Variants in AKAP13 observed in about 807,000 individuals in gnomAD.
AKAP13 encodes the protein A-kinase anchor protein 13.
Under a neutral mutation model 264.5 loss-of-function variants are expected in AKAP13, and 80 were observed. The observed-to-expected ratio is 0.30, with a 90% CI of 0.25 to 0.36. The LOEUF (loss-of-function observed/expected upper bound fraction) is 0.36. Ranked by LOEUF, AKAP13 falls within the 10% of genes least tolerant of loss-of-function variation. The pLI, the probability that AKAP13 is intolerant of heterozygous loss-of-function variation, is 1.00. For synonymous variants in AKAP13, 1,380 were observed against 1,250.2 expected, an observed-to-expected ratio of 1.10 and a Z score of -2.19; for missense variants, 3,712 against 3,435.2, an observed-to-expected ratio of 1.08 and a Z score of -2.01.
At chr15:85,549,237 A>G (rs2077866302) in intron 5 of AKAP13, among the ~76,000 whole-genome samples, 1 of 152,198 alleles carries the variant, frequency 6.6e-6, no homozygotes, top group Admixed American at 6.5e-5. Flanking sequence ...CCTTTGATAC[A>G]TGCTGTGATG....
At chr15:85,443,201 A>G (rs569978361) in intron 1 of AKAP13, among the ~76,000 whole-genome samples, 4 of 151,748 alleles carry the variant, frequency 2.6e-5, no homozygotes, top group Admixed American at 1.3e-4. Context: ...AGAAGTCCCA[A>G]GATCCCCTTA....
At position 85,580,269 on chromosome 15, in the gene AKAP13, T is replaced by C. The variant is rs1436091447; in HGVS notation, c.2201T>C (p.Phe734Ser). ...DTQERADFCP[F>S]KVVDNKGQRK... ...CAGGAACGTGCGGATTTTTGTCCTT[T>C]CAAAGTGGTGGATAACAAAGGCCAA... The change falls in exon 7 of 37, where the codon TTC (phenylalanine) becomes TCC (serine). Residue 734 changes from phenylalanine (F) to serine (S), a missense_variant. Around this residue, in one of 3 missense-constraint regions of AKAP13, gnomAD observed 2,759 missense variants for 2,411.7 expected, o/e 1.14. Coordinates refer to ENST00000394518, the MANE Select transcript of AKAP13 (RefSeq NM_007200.5). 6.2e-7 allele frequency: 1 copy of C among 1,614,078 alleles called. No individual in the cohort carries two copies. The highest frequency in any genetic ancestry group is 1.3e-5 in the African/African-American group (1 of 74,916).
chr15:85,616,813 C>T (rs1181854902), intron 8 of AKAP13, among the ~76,000 whole-genome samples: 2 of 152,206 alleles, frequency 1.3e-5, no homozygotes, highest in African/African-American at 4.8e-5. Flanking sequence ...CAGATTCTGT[C>T]TTCTGTTGGG....
chr15:85,525,294 G>A (rs1324863429), intron 3 of AKAP13, among the ~76,000 whole-genome samples: 1 of 152,024 alleles, frequency 6.6e-6, no homozygotes, highest in Non-Finnish European at 1.5e-5. Context: ...TCCTGACCTC[G>A]TGATCCACCT....
At chr15:85,507,358 T>C (rs1270895314) in intron 2 of AKAP13, among the ~76,000 whole-genome samples, 1 of 150,438 alleles carries the variant, frequency 6.6e-6, no homozygotes, top group Non-Finnish European at 1.5e-5. Flanking sequence ...TCTTTATGTA[T>C]TGTCTATGGC....
At chr15:85,458,692 C>A (rs1384980881) in intron 1 of AKAP13, among the ~76,000 whole-genome samples, 1 of 152,132 alleles carries the variant, frequency 6.6e-6, no homozygotes, top group Non-Finnish European at 1.5e-5. Flanking sequence ...GTTTTTACAA[C>A]TGAAGATTTT....
intron 1 of AKAP13, chr15:85,382,281 C>G (rs571707974): frequency 3.9e-4 from 60 of 152,324 alleles, no homozygotes; most frequent in African/African-American, 1.3e-3. Context: ...AGAGTGATTT[C>G]TCGTGCTAAG....
In AKAP13 at chr15:85,635,612, T is replaced by G. The variant is rs549820533; in HGVS notation, c.4162-3762T>G. ...TTTCATGTTTTAAAAAATGTACTATTTAAGAAATCTTTGTGTAACCGAAGT... is the reference window on the plus strand; with the variant it reads ...TTTCATGTTTTAAAAAATGTACTATGTAAGAAATCTTTGTGTAACCGAAGT... On this transcript the variant is annotated intron_variant, in intron 8 of 36. Transcript: ENST00000394518. Among the ~76,000 whole-genome samples, 5 of 152,258 alleles carry G rather than the reference T, an allele frequency of 3.3e-5. No individual in the cohort carries two copies. In the South Asian group the frequency reaches 8.3e-4, roughly 25 times the overall value.
chr15:85,736,474 G>T (rs1026703131), intron 33 of AKAP13, among the ~76,000 whole-genome samples: 3 of 151,930 alleles, frequency 2.0e-5, no homozygotes. Context: ...TCACTCTATC[G>T]CCCAGCTCGC....
intron 1 of AKAP13, chr15:85,415,519 A>T (rs2072199571): frequency 1.3e-6 from 2 of 1,514,704 alleles, no homozygotes. Flanking sequence ...GTTCAACATC[A>T]GGAGTGGGAT....
intron 8 of AKAP13, among the ~76,000 whole-genome samples, chr15:85,618,708 A>G (rs2081045584): frequency 6.6e-6 from 1 of 152,220 alleles, no homozygotes; most frequent in East Asian, 1.9e-4. Flanking sequence ...TAGTGTGCAT[A>G]GAAACACTGA....
chr15:85,484,771 A>G (rs940428196), intron 1 of AKAP13, among the ~76,000 whole-genome samples: 5 of 152,102 alleles, frequency 3.3e-5, no homozygotes, highest in Non-Finnish European at 5.9e-5. Flanking sequence ...GGTCATTTCA[A>G]TTTCAGTGAG....
intron 9 of AKAP13, among the ~76,000 whole-genome samples, chr15:85,644,623 G>A (rs1452484976): frequency 2.0e-5 from 3 of 148,238 alleles, no homozygotes; most frequent in Non-Finnish European, 4.4e-5. Context: ...GCTGAGGCAG[G>A]TGGATCACAT....
At chr15:85,645,207 A>T (rs1357386789) in intron 9 of AKAP13, among the ~76,000 whole-genome samples, 1 of 152,218 alleles carries the variant, frequency 6.6e-6, no homozygotes, top group African/African-American at 2.4e-5. Flanking sequence ...GGCTTCCTCA[A>T]TGTACAAAGG....
intron 1 of AKAP13, among the ~76,000 whole-genome samples, chr15:85,448,106 A>G (rs1056759264): frequency 6.6e-6 from 1 of 151,834 alleles, no homozygotes; most frequent in African/African-American, 2.4e-5. Flanking sequence ...TTTGATTTGC[A>G]TTTCTCTAAT....
At chr15:85,742,656 A>G (rs1025305713) in intron 35 of AKAP13, among the ~76,000 whole-genome samples, 1 of 152,194 alleles carries the variant, frequency 6.6e-6, no homozygotes, top group Admixed American at 6.5e-5. Context: ...TATTCAGCAC[A>G]CTCACTCCTG....
intron 8 of AKAP13, among the ~76,000 whole-genome samples, chr15:85,608,881 A>T (rs571528606): frequency 3.9e-5 from 6 of 152,190 alleles, no homozygotes; most frequent in Non-Finnish European, 8.8e-5. Context: ...TGCCTTTCTG[A>T]ATGACAGCCT....
intron 1 of AKAP13, among the ~76,000 whole-genome samples, chr15:85,421,232 G>T (rs181754668): frequency 6.6e-6 from 1 of 152,188 alleles, no homozygotes; most frequent in Non-Finnish European, 1.5e-5. Context: ...TAGAGTTCTT[G>T]TGGTGCACTA....
At chr15:85,630,708 A>G (rs2081739692) in intron 8 of AKAP13, among the ~76,000 whole-genome samples, 1 of 152,218 alleles carries the variant, frequency 6.6e-6, no homozygotes, top group Admixed American at 6.5e-5. Flanking sequence ...ATTTTAAAAT[A>G]GATTTTTCCA....
Sources: allele counts gnomAD v4.1 joint callset (sites outside exome capture counted in the v4.1 genomes callset), GRCh38; gene constraint gnomAD v4.1.1; regional missense constraint gnomAD v4.1.1; transcripts MANE v1.5; gene names NCBI Gene and HGNC (gene_info 2026-07-23, HGNC 2026-07-21).